The following VSTM5 variants were observed in gnomAD, a reference collection of about 807,000 sequenced individuals.
The protein encoded by VSTM5 is V-set and transmembrane domain containing 5.
VSTM5 carries 21 observed loss-of-function variants against 20.3 expected under a neutral mutation model. The observed-to-expected ratio is 1.03, with a 90% CI of 0.73 to 1.49. VSTM5 has a LOEUF of 1.49. Ranked by LOEUF, VSTM5 falls within the 40% of genes most tolerant of loss-of-function variation. The pLI is 0.00. For missense variants in VSTM5, 219 were observed against 250.0 expected, an observed-to-expected ratio of 0.88 and a Z score of 0.84; for synonymous variants, 100 against 102.5, an observed-to-expected ratio of 0.98 and a Z score of 0.14.
At chr11:93,840,047 C>T (rs1944358401) in intron 1 of VSTM5, among the ~76,000 whole-genome samples, 1 of 152,186 alleles carries the variant, frequency 6.6e-6, no homozygotes, top group Non-Finnish European at 1.5e-5. Flanking sequence ...CAGGGAGCGA[C>T]ATGGAATAGT....
At position 93,850,402 on chromosome 11, in the gene VSTM5, C is replaced by A; in HGVS notation, c.91+10G>T. On this transcript the variant is annotated intron_variant, in intron 1 of 3. Coordinates refer to ENST00000409977, the MANE Select transcript of VSTM5 (RefSeq NM_001144871.2). ...CTCCCCCAGCACCCGGGGCGTCCCC[C>A]GGAGCTTACTCTGCAGACAGCGGGC... 4 of 1,547,610 alleles carry A rather than the reference C, an allele frequency of 2.6e-6. No homozygotes were observed. Among genetic ancestry groups the A allele is most frequent in the Non-Finnish European group, 3.5e-6 (4 of 1,145,590 alleles).
At chr11:93,824,822 C>A (rs371666043) in intron 1 of VSTM5, among the ~76,000 whole-genome samples, 1 of 152,134 alleles carries the variant, frequency 6.6e-6, no homozygotes. Flanking sequence ...AGTGTTTAAT[C>A]CATTTCAAGT....
intron 1 of VSTM5, among the ~76,000 whole-genome samples, chr11:93,848,293 A>C (rs1944429471): frequency 6.6e-6 from 1 of 152,212 alleles, no homozygotes; most frequent in Non-Finnish European, 1.5e-5. Context: ...CTGGCTCCAA[A>C]GCACAGGCTT....
At chr11:93,836,243 A>C (rs1166562122) in intron 1 of VSTM5, among the ~76,000 whole-genome samples, 1 of 152,224 alleles carries the variant, frequency 6.6e-6, no homozygotes, top group Non-Finnish European at 1.5e-5. Flanking sequence ...GTGCTTCACT[A>C]TGCCTGCTTA....
intron 1 of VSTM5, among the ~76,000 whole-genome samples, chr11:93,837,923 T>C (rs565019275): frequency 6.7e-6 from 1 of 149,178 alleles, no homozygotes; most frequent in East Asian, 2.0e-4. Context: ...ATGGCACAAC[T>C]GATTCAGAGC....
rs1944412604 is a variant in VSTM5, at chr11:93,846,666, C to T, written c.91+3746G>A. Among the ~76,000 whole-genome samples, 2 of 151,930 alleles carry T rather than the reference C, an allele frequency of 1.3e-5. 1 individual carries two copies. The highest frequency in any genetic ancestry group is 4.1e-4 in the South Asian group (2 of 4,826). ...ATGTAGAGAAGTTGAAAGGAATGCA[C>T]TTCCTTTATCAACATGGATAGAGCT... On this transcript the variant is annotated intron_variant, in intron 1 of 3. Coordinates refer to ENST00000409977, the MANE Select transcript of VSTM5 (RefSeq NM_001144871.2).
chr11:93,832,414 T>C (rs1944290202), intron 1 of VSTM5, among the ~76,000 whole-genome samples: 1 of 152,190 alleles, frequency 6.6e-6, no homozygotes, highest in African/African-American at 2.4e-5. Flanking sequence ...AGAACATCTC[T>C]AAGTTATTCT....
chr11:93,837,010 T>TGC (rs1486966575), intron 1 of VSTM5, among the ~76,000 whole-genome samples: 12 of 30,956 alleles, frequency 3.9e-4, no homozygotes, highest in Non-Finnish European at 5.6e-4. Flanking sequence ...AAAAAAAAAA[T>TGC]GCACACACAC....
intron 1 of VSTM5, among the ~76,000 whole-genome samples, chr11:93,837,951 C>A (rs1312854914): frequency 1.3e-5 from 2 of 148,556 alleles, no homozygotes; most frequent in African/African-American, 5.0e-5. Flanking sequence ...GCCAAGAGAT[C>A]TGCTGGTGGG....
At chr11:93,830,118 T>C (rs929661646) in intron 1 of VSTM5, among the ~76,000 whole-genome samples, 11 of 151,878 alleles carry the variant, frequency 7.2e-5, no homozygotes, top group African/African-American at 2.7e-4. Flanking sequence ...AGGGTGGCCA[T>C]GGGATAAGGA....
chr11:93,822,835 C>T (rs189482863), intron 1 of VSTM5, among the ~76,000 whole-genome samples: 173 of 152,292 alleles, frequency 1.1e-3, no homozygotes, highest in African/African-American at 3.8e-3. Flanking sequence ...TCTATGTTTC[C>T]TGATTTCTCT....
intron 1 of VSTM5, among the ~76,000 whole-genome samples, chr11:93,838,370 A>G (rs10831105): frequency 0.57 from 85,942 of 151,842 alleles, 24,754 homozygotes; most frequent in East Asian, 0.79. Flanking sequence ...TACTCGGGAG[A>G]CTGAGGCAGG....
chr11:93,824,627 A>G (rs977075210), intron 1 of VSTM5, among the ~76,000 whole-genome samples: 2 of 152,056 alleles, frequency 1.3e-5, no homozygotes, highest in African/African-American at 4.8e-5. Flanking sequence ...TTGCCTTTCC[A>G]TTTTATTGAT....
intron 1 of VSTM5, among the ~76,000 whole-genome samples, chr11:93,826,979 C>T (rs1397327433): frequency 6.6e-6 from 1 of 152,060 alleles, no homozygotes; most frequent in East Asian, 1.9e-4. Flanking sequence ...ATTTGTTAAG[C>T]CTTGAGAAAA....
chr11:93,823,698 G>T (rs1292462759), intron 1 of VSTM5, among the ~76,000 whole-genome samples: 1 of 152,100 alleles, frequency 6.6e-6, no homozygotes, highest in Non-Finnish European at 1.5e-5. Flanking sequence ...GTTAATCCAT[G>T]TTGTCACAAA....
chr11:93,850,542 C>G lies in VSTM5; in HGVS notation c.-40G>C, dbSNP rs944169091. 8.8e-6 allele frequency: 13 copies of G among 1,471,426 alleles called. No homozygotes were observed. Among genetic ancestry groups the G allele is most frequent in the African/African-American group, 1.4e-5 (1 of 70,922 alleles). The allele number at this position is 1,471,426 out of a possible 1,614,324, so 91.1% of individuals were successfully genotyped here. On this transcript the variant is annotated 5_prime_UTR_variant, in exon 1 of 4. Coordinates refer to ENST00000409977, the MANE Select transcript of VSTM5 (RefSeq NM_001144871.2). ...CCTCGCGGGCCGGGGTGTGTGCTGGCCGCACCGCGCTGCAGCTCCTATGCA... is the reference window on the plus strand; with the variant it reads ...CCTCGCGGGCCGGGGTGTGTGCTGGGCGCACCGCGCTGCAGCTCCTATGCA...
At chr11:93,825,212 G>C (rs1347269133) in intron 1 of VSTM5, among the ~76,000 whole-genome samples, 1 of 152,198 alleles carries the variant, frequency 6.6e-6, no homozygotes, top group African/African-American at 2.4e-5. Flanking sequence ...CTGCCACCTA[G>C]GCTGGAGTGC....
intron 1 of VSTM5, among the ~76,000 whole-genome samples, chr11:93,831,011 G>A (rs767353697): frequency 2.2e-4 from 33 of 151,832 alleles, no homozygotes; most frequent in African/African-American, 2.7e-4. Context: ...CGCCCACCCC[G>A]GCCTCCCAAA....
At chr11:93,832,991 TA>T (rs1461226101) in intron 1 of VSTM5, among the ~76,000 whole-genome samples, 1 of 152,194 alleles carries the variant, frequency 6.6e-6, no homozygotes, top group East Asian at 1.9e-4. Flanking sequence ...AGCAGAAGTC[TA>T]GACCTGGGCT....
Sources: allele counts gnomAD v4.1 joint callset (sites outside exome capture counted in the v4.1 genomes callset), GRCh38; gene constraint gnomAD v4.1.1; transcripts MANE v1.5; gene names NCBI Gene and HGNC (gene_info 2026-07-23, HGNC 2026-07-21).